Variants in FAM13A observed in about 807,000 individuals in gnomAD.
The protein encoded by FAM13A is protein FAM13A.
In FAM13A, 76 loss-of-function variants were observed where a neutral mutation model predicts 129.6. That is an observed-to-expected ratio of 0.59 (90% CI 0.49 to 0.71). The LOEUF (loss-of-function observed/expected upper bound fraction) is 0.71. Ranked by LOEUF, FAM13A falls within the 30% of genes least tolerant of loss-of-function variation. The pLI is 0.00. For synonymous variants in FAM13A, 443 were observed against 449.9 expected (o/e 0.98, Z 0.20); for missense variants, 1,108 against 1,249.3 (o/e 0.89, Z 1.70).
At chr4:88,812,239 A>T (rs1371622462) in intron 7 of FAM13A, among the ~76,000 whole-genome samples, 6 of 152,142 alleles carry the variant, frequency 3.9e-5, no homozygotes, top group Non-Finnish European at 5.9e-5. Flanking sequence ...TTACCTCCAT[A>T]TTTGATCAAT....
At chr4:88,783,351 G>T (rs1201694660) in intron 10 of FAM13A, among the ~76,000 whole-genome samples, 1 of 151,974 alleles carries the variant, frequency 6.6e-6, no homozygotes, top group African/African-American at 2.4e-5. Flanking sequence ...CCAGGCTGGA[G>T]TACAGTGGTG....
intron 6 of FAM13A, among the ~76,000 whole-genome samples, chr4:88,899,099 TAC>T (rs1191635022): frequency 3.4e-5 from 5 of 147,756 alleles, no homozygotes; most frequent in Middle Eastern, 3.4e-3. Flanking sequence ...TATGTATATA[TAC>T]ACACACACAT....
chr4:88,824,928 G>A (rs190013649), intron 7 of FAM13A, among the ~76,000 whole-genome samples: 5 of 152,016 alleles, frequency 3.3e-5, no homozygotes, highest in Non-Finnish European at 5.9e-5. Context: ...GGCTGGTCTC[G>A]AACTCCTGAC....
chr4:88,933,656 T>A (rs1753396675), intron 5 of FAM13A, among the ~76,000 whole-genome samples: 1 of 152,136 alleles, frequency 6.6e-6, no homozygotes, highest in Non-Finnish European at 1.5e-5. Context: ...CTCTAGTACC[T>A]CCTTTTGTAT....
intron 4 of FAM13A, among the ~76,000 whole-genome samples, chr4:88,947,735 A>G (rs1033922991): frequency 1.3e-5 from 2 of 148,610 alleles, no homozygotes. Flanking sequence ...CGCTTATTCT[A>G]TAATAGAATG....
chr4:88,770,806 C>T (rs1183166143), intron 11 of FAM13A, among the ~76,000 whole-genome samples: 1 of 152,114 alleles, frequency 6.6e-6, no homozygotes, highest in East Asian at 1.9e-4. Flanking sequence ...TGTGAGAAAG[C>T]TTAGCTGATC....
chr4:88,813,597 AC>A (rs1255605550), intron 7 of FAM13A, among the ~76,000 whole-genome samples: 9 of 152,228 alleles, frequency 5.9e-5, no homozygotes, highest in Admixed American at 5.2e-4. Flanking sequence ...GGGTTTGTTA[AC>A]ACAGTTTTAA....
At chr4:88,802,282 C>T (rs982508610) in intron 8 of FAM13A, among the ~76,000 whole-genome samples, 3 of 151,420 alleles carry the variant, frequency 2.0e-5, no homozygotes, top group Admixed American at 6.6e-5. Flanking sequence ...CCCTAATAAG[C>T]GTCTGGGGAA....
At position 88,938,134 on chromosome 4, in the gene FAM13A, T is replaced by C; in HGVS notation, c.713A>G (p.Asn238Ser). 2 of 1,613,608 alleles carry C rather than the reference T, an allele frequency of 1.2e-6. No homozygotes were observed. The highest frequency in any genetic ancestry group is 1.7e-6 in the Non-Finnish European group (2 of 1,179,610). ...NTLFEVEYTE[N>S]DHLRCENLAR... ...CAGGTTTTCACATCTCAGATGATCATTTTCTGTATACTCTACTTCAAACAG... is the reference window on the plus strand; with the variant it reads ...CAGGTTTTCACATCTCAGATGATCACTTTCTGTATACTCTACTTCAAACAG... The change falls in exon 5 of 24, where the codon AAT becomes AGT. Residue 238 changes from asparagine to serine, a missense_variant. Physicochemically the swap from Asn to Ser is conservative, Grantham distance 46. This residue lies in a region of FAM13A where 566 missense variants were observed against 595.7 expected (regional missense o/e 0.95). Transcript: ENST00000264344.
intron 4 of FAM13A, among the ~76,000 whole-genome samples, chr4:88,965,066 G>A (rs770638558): frequency 6.6e-6 from 1 of 152,080 alleles, no homozygotes; most frequent in Non-Finnish European, 1.5e-5. Flanking sequence ...CATCTTTTAC[G>A]TCTTCTTTCC....
chr4:88,772,226 T>C (rs1403179493), intron 11 of FAM13A, among the ~76,000 whole-genome samples: 2 of 152,226 alleles, frequency 1.3e-5, no homozygotes, highest in African/African-American at 4.8e-5. Context: ...AGGAGAATAT[T>C]TGATAGAGTC....
At chr4:88,877,390 G>GT (rs1281976155) in intron 6 of FAM13A, among the ~76,000 whole-genome samples, 1 of 152,102 alleles carries the variant, frequency 6.6e-6, no homozygotes, top group Non-Finnish European at 1.5e-5. Flanking sequence ...GAATAACATT[G>GT]TAACACTAAA....
At chr4:88,842,084 A>G (rs1735930201) in intron 7 of FAM13A, among the ~76,000 whole-genome samples, 1 of 152,248 alleles carries the variant, frequency 6.6e-6, no homozygotes, top group Non-Finnish European at 1.5e-5. Context: ...CATAAAAAGG[A>G]GTGAAGTACT....
At chr4:88,977,470 C>T (rs1014721407) in intron 4 of FAM13A, among the ~76,000 whole-genome samples, 4 of 152,124 alleles carry the variant, frequency 2.6e-5, no homozygotes, top group African/African-American at 7.2e-5. Flanking sequence ...CTTCATTCAC[C>T]GTTTCTCTTA....
chr4:88,888,214 C>A (rs1281568335), intron 6 of FAM13A, among the ~76,000 whole-genome samples: 1 of 152,202 alleles, frequency 6.6e-6, no homozygotes. Context: ...TCTGTCTCCT[C>A]CATGAAGCCA....
chr4:88,919,337 A>T (rs1750627689), intron 5 of FAM13A, among the ~76,000 whole-genome samples: 1 of 152,220 alleles, frequency 6.6e-6, no homozygotes, highest in South Asian at 2.1e-4. Flanking sequence ...AGGTAGTTGG[A>T]AGTCTGTGAA....
intron 7 of FAM13A, among the ~76,000 whole-genome samples, chr4:88,814,462 T>C (rs181006641): frequency 3.9e-5 from 6 of 152,146 alleles, no homozygotes; most frequent in African/African-American, 1.4e-4. Flanking sequence ...GTGTGGCAAT[T>C]GAGGGAGTTC....
In FAM13A at chr4:89,057,147, T is replaced by A; in HGVS notation, c.-183A>T. The A allele has an allele frequency of 6.9e-7, 1 of 1,439,828 alleles. No individual in the cohort carries two copies. The highest frequency in any genetic ancestry group is 9.1e-7 in the Non-Finnish European group (1 of 1,098,440). The allele number at this position is 1,439,828 out of a possible 1,614,324, so 89.2% of individuals were successfully genotyped here. ...TAGGAAGAGTGGTTTTGCTTCTCTT[T>A]CCGCTGAACCCACATGGCTGGAAGG... On this transcript the variant is annotated 5_prime_UTR_variant, in exon 1 of 24. An upstream open reading frame in the 5' UTR gains an earlier in-frame stop. Transcript: ENST00000264344.
At chr4:89,019,817 A>G (rs1767009063) in intron 3 of FAM13A, among the ~76,000 whole-genome samples, 2 of 151,904 alleles carry the variant, frequency 1.3e-5, no homozygotes, top group African/African-American at 2.4e-5. Context: ...TAATACTACA[A>G]TCAAAAATCA....
Sources: gnomAD v4.1 joint callset for allele counts (sites outside exome capture counted in the v4.1 genomes callset) on GRCh38, gnomAD v4.1.1 for gene constraint, gnomAD v4.1.1 regional missense constraint, MANE v1.5 for transcripts, NCBI Gene and HGNC (gene_info 2026-07-23, HGNC 2026-07-21) for gene names.